KIAA1549L: variants seen among roughly 807,000 people sequenced by gnomAD.
The protein encoded by KIAA1549L is KIAA1549 like.
KIAA1549L carries 88 observed loss-of-function variants against 160.7 expected under a neutral mutation model. That is an observed-to-expected ratio of 0.55 (90% CI 0.46 to 0.65). The LOEUF is 0.65. KIAA1549L is among the 30% of genes least tolerant of loss of function. KIAA1549L has a pLI of 0.00. For synonymous variants in KIAA1549L, 950 were observed against 976.7 expected (o/e 0.97, Z 0.51); for missense variants, 2,258 against 2,437.5 (o/e 0.93, Z 1.55).
intron 10 of KIAA1549L, among the ~76,000 whole-genome samples, chr11:33,581,989 T>C (rs1855660220): frequency 6.6e-6 from 1 of 152,166 alleles, no homozygotes; most frequent in African/African-American, 2.4e-5. Flanking sequence ...ATACTGTACA[T>C]TTTTCTCCAT....
At chr11:33,602,671 C>A (rs1850395389) in intron 13 of KIAA1549L, among the ~76,000 whole-genome samples, 1 of 152,220 alleles carries the variant, frequency 6.6e-6, no homozygotes, top group Non-Finnish European at 1.5e-5. Flanking sequence ...AAGACACTTG[C>A]AGTTTCACTG....
chr11:33,472,530 C>A (rs1445234318), intron 1 of KIAA1549L, among the ~76,000 whole-genome samples: 1 of 151,968 alleles, frequency 6.6e-6, no homozygotes. Flanking sequence ...TTCCAGGGGC[C>A]ACATACCTAG....
chr11:33,515,620 G>C lies in KIAA1549L; in HGVS notation c.239-26182G>C, dbSNP rs1425012960. Among the ~76,000 whole-genome samples, 3 of 152,346 alleles carry C rather than the reference G, an allele frequency of 2.0e-5. 1 individual carries two copies. In the South Asian group the frequency reaches 6.2e-4, roughly 32 times the overall value. On this transcript the variant is annotated intron_variant, in intron 1 of 20. Coordinates refer to ENST00000658780, the MANE Select transcript of KIAA1549L (RefSeq NM_012194.3). ...AATCATGAGTATCTTTGATTCATCA[G>C]GTGTGGAAATGGTTACTTTGCATAG... is the stretch of plus-strand genomic sequence containing the variant.
Position 33,544,270 on chromosome 11 carries a change from A to G in KIAA1549L, c.2707A>G (p.Thr903Ala). The change falls in exon 2 of 21, where the codon ACC becomes GCC. Residue 903 changes from threonine to alanine, a missense_variant. By Grantham distance (58) the Thr-to-Ala change is moderately conservative (BLOSUM62 0). This residue lies in a region of KIAA1549L where 287 missense variants were observed against 292.3 expected (regional missense o/e 0.98). Transcript: ENST00000658780. ...YHSAAESSIS[T>A]SVFPRTSSRV... ...CTCTGCTGCTGAATCTTCTATATCGACCAGTGTCTTTCCCAGGACCTCCTC... is the reference window on the plus strand; with the variant it reads ...CTCTGCTGCTGAATCTTCTATATCGGCCAGTGTCTTTCCCAGGACCTCCTC... 2.5e-6 allele frequency: 4 copies of G among 1,613,936 alleles called. No individual in the cohort carries two copies. Among genetic ancestry groups the G allele is most frequent in the African/African-American group, 1.3e-5 (1 of 75,032 alleles).
At chr11:33,530,430 A>T (rs141370226) in intron 1 of KIAA1549L, among the ~76,000 whole-genome samples, 10 of 14,386 alleles carry the variant, frequency 7.0e-4, no homozygotes, top group East Asian at 1.5e-3. Flanking sequence ...AAAAAAAAAA[A>T]AAAAAAATAT....
At chr11:33,657,101 A>G (rs1451836016) in intron 18 of KIAA1549L, among the ~76,000 whole-genome samples, 2 of 152,150 alleles carry the variant, frequency 1.3e-5, no homozygotes, top group African/African-American at 2.4e-5. Flanking sequence ...CAAGTAGCAG[A>G]TGCCTGGAAC....
intron 12 of KIAA1549L, among the ~76,000 whole-genome samples, chr11:33,597,914 A>G (rs1850245474): frequency 6.6e-6 from 1 of 152,158 alleles, no homozygotes; most frequent in African/African-American, 2.4e-5. Context: ...CATGTTCCTC[A>G]CTTGCTAAAC....
intron 4 of KIAA1549L, among the ~76,000 whole-genome samples, chr11:33,550,346 T>TA (rs11398265): frequency 0.11 from 16,704 of 147,098 alleles, 1,104 homozygotes; most frequent in East Asian, 0.31. Context: ...CAAAACAAAT[T>TA]AAAAAAAAAC....
At chr11:33,642,903 T>C (rs1359674052) in intron 16 of KIAA1549L, among the ~76,000 whole-genome samples, 1 of 152,186 alleles carries the variant, frequency 6.6e-6, no homozygotes, top group African/African-American at 2.4e-5. Flanking sequence ...CAAAGCTTGA[T>C]TGAATGCCAA....
intron 1 of KIAA1549L, among the ~76,000 whole-genome samples, chr11:33,483,324 A>G (rs930756816): frequency 4.6e-5 from 7 of 152,164 alleles, no homozygotes; most frequent in African/African-American, 1.7e-4. Context: ...TGAGGGGGAG[A>G]AATCTACGTT....
chr11:33,434,143 G>A (rs562687484), intron 1 of KIAA1549L, among the ~76,000 whole-genome samples: 3 of 152,036 alleles, frequency 2.0e-5, no homozygotes, highest in African/African-American at 4.8e-5. Flanking sequence ...TGAACAGTTT[G>A]TGATACACAG....
intron 8 of KIAA1549L, among the ~76,000 whole-genome samples, chr11:33,564,836 A>G (rs1854994344): frequency 6.6e-6 from 1 of 152,248 alleles, no homozygotes; most frequent in Admixed American, 6.5e-5. Flanking sequence ...TTTTAGTGCT[A>G]AATGTGTAGG....
In KIAA1549L at chr11:33,668,222, A is replaced by G; in HGVS notation, c.*68A>G. On this transcript the variant is annotated 3_prime_UTR_variant, in exon 21 of 21. Coordinates refer to ENST00000658780, the MANE Select transcript of KIAA1549L (RefSeq NM_012194.3). The stretch of plus-strand genomic sequence containing the variant: ...CTCAGCCTTTGGGTTTCCCATGCCT[A>G]CGTGTTAGGACTTGAGACATAGCAA... 1.4e-6 allele frequency: 2 copies of G among 1,442,428 alleles called. No individual in the cohort carries two copies. The highest frequency in any genetic ancestry group is 1.9e-6 in the Non-Finnish European group (2 of 1,054,280). 89.4% of individuals were successfully genotyped at this position (1,442,428 alleles called of 1,614,324 possible). A position where few individuals can be genotyped will look rare whatever the true frequency, so the allele number is the denominator to read the frequency against.
At chr11:33,521,835 T>C (rs545184055) in intron 1 of KIAA1549L, among the ~76,000 whole-genome samples, 48 of 152,332 alleles carry the variant, frequency 3.2e-4, no homozygotes, top group African/African-American at 1.2e-3. Flanking sequence ...CAGATTGGTC[T>C]GAAGGAGAAT....
At chr11:33,642,652 T>TAGGTAATCAGAATGAGTCAGGGTGGAGC (rs2133398006) in intron 16 of KIAA1549L, among the ~76,000 whole-genome samples, 1 of 148,224 alleles carries the variant, frequency 6.7e-6, no homozygotes, top group Non-Finnish European at 1.5e-5. Flanking sequence ...CAGGGTAGAG[T>TAGGTAATCAGAATGAGTCAGGGTGGAGC]AGGTAATCAG....
At chr11:33,561,886 G>A (rs1854870995) in intron 8 of KIAA1549L, among the ~76,000 whole-genome samples, 151 bp downstream of exon 8, 1 of 152,098 alleles carries the variant, frequency 6.6e-6, no homozygotes, top group African/African-American at 2.4e-5. Context: ...GAAGTGAATG[G>A]GGTAAGCTGA....
intron 3 of KIAA1549L, among the ~76,000 whole-genome samples, chr11:33,545,725 T>C (rs1390364259): frequency 6.6e-6 from 1 of 152,214 alleles, no homozygotes; most frequent in Non-Finnish European, 1.5e-5. Flanking sequence ...GCATGGATTC[T>C]AGTCCTAGGA....
At chr11:33,658,235 G>A (rs764643730) in intron 18 of KIAA1549L, among the ~76,000 whole-genome samples, 3 of 152,216 alleles carry the variant, frequency 2.0e-5, no homozygotes, top group South Asian at 4.2e-4. Context: ...GGAGCAGCCC[G>A]AGCTTCCAAG....
intron 1 of KIAA1549L, among the ~76,000 whole-genome samples, chr11:33,430,964 G>A (rs1277271356): frequency 3.3e-5 from 5 of 152,004 alleles, no homozygotes; most frequent in Non-Finnish European, 2.9e-5. Context: ...AGCTCTTAAG[G>A]TGGCGCGTCT....
Sources: gnomAD v4.1 joint callset for allele counts (sites outside exome capture counted in the v4.1 genomes callset) on GRCh38, gnomAD v4.1.1 for gene constraint, gnomAD v4.1.1 regional missense constraint, MANE v1.5 for transcripts, NCBI Gene and HGNC (gene_info 2026-07-23, HGNC 2026-07-21) for gene names.